CACNA1A: variants seen among roughly 807,000 people sequenced by gnomAD.
CACNA1A encodes the protein voltage-dependent P/Q-type calcium channel subunit alpha-1A.
In CACNA1A, 57 loss-of-function variants were observed where a neutral mutation model predicts 262.4. The observed-to-expected ratio is 0.22, with a 90% CI of 0.18 to 0.27. The LOEUF (loss-of-function observed/expected upper bound fraction) is 0.27. Ranked by LOEUF, CACNA1A falls within the 10% of genes least tolerant of loss-of-function variation. The pLI, the probability that CACNA1A is intolerant of heterozygous loss-of-function variation, is 1.00. For missense variants in CACNA1A, 2,526 were observed against 3,562.8 expected (o/e 0.71, Z 7.41); for synonymous variants, 1,431 against 1,419.3 (o/e 1.01, Z -0.18).
chr19:13,460,513 G>T lies in CACNA1A; in HGVS notation c.294-5301C>A, dbSNP rs1056110682. On this transcript the variant is annotated intron_variant, in intron 1 of 46. Coordinates refer to ENST00000360228, the MANE Select transcript of CACNA1A (RefSeq NM_001127222.2). ...GTTGGAATGCGACAAAAGCAGAAAA[G>T]AAAATTTCAGCCTAATGCATGTGGA... is the stretch of plus-strand genomic sequence containing the variant. Among the ~76,000 whole-genome samples, 13 of 152,270 alleles carry T rather than the reference G, an allele frequency of 8.5e-5. No individual in the cohort carries two copies. The South Asian group carries it at 1.0e-3, about 12-fold the overall frequency.
chr19:13,419,070 T>C (rs1957147476), intron 3 of CACNA1A, among the ~76,000 whole-genome samples: 1 of 152,112 alleles, frequency 6.6e-6, no homozygotes, highest in Non-Finnish European at 1.5e-5. Flanking sequence ...ATTTTTGCAT[T>C]TTTCAGTAAA....
intron 10 of CACNA1A, among the ~76,000 whole-genome samples, chr19:13,323,943 GTTCAC>G: frequency 6.6e-6 from 1 of 152,030 alleles, no homozygotes; most frequent in Admixed American, 6.6e-5. Context: ...GCACTCCCAC[GTTCAC>G]TTCAGCATTA....
intron 1 of CACNA1A, among the ~76,000 whole-genome samples, chr19:13,455,869 CAAAAAA>C (rs766436872): frequency 2.6e-5 from 2 of 76,128 alleles, no homozygotes; most frequent in Admixed American, 1.5e-4. Flanking sequence ...GGCCCTGTCT[CAAAAAA>C]AAAAAAAAAA....
rs1283169919 is a variant in CACNA1A at position 13,230,299 on chromosome 19, C to T, written c.5401-90G>A. 3 of 1,419,498 alleles carry T rather than the reference C, an allele frequency of 2.1e-6. No individual in the cohort carries two copies. In the East Asian group the frequency reaches 7.0e-5, roughly 33 times the overall value. 87.9% of individuals were successfully genotyped at this position (1,419,498 alleles called of 1,614,324 possible). ...AGAAGGATACAGACAGACAGACGGA[C>T]AGACAGACCCAAAGACATGTACACA... On this transcript the variant is annotated intron_variant, in intron 35 of 46. Coordinates refer to ENST00000360228, the MANE Select transcript of CACNA1A (RefSeq NM_001127222.2).
At chr19:13,298,263 T>C (rs2057709495) in intron 19 of CACNA1A, among the ~76,000 whole-genome samples, 3 of 151,630 alleles carry the variant, frequency 2.0e-5, no homozygotes, top group Admixed American at 6.6e-5. Context: ...CCTGAGTAGC[T>C]GGGGCTACAG....
chr19:13,235,470 A>G, intron 32 of CACNA1A, 144 bp downstream of exon 32: 1 of 768,504 alleles, frequency 1.3e-6, no homozygotes, highest in Non-Finnish European at 2.3e-6. Context: ...CAGGGACAGG[A>G]AGTTTGACAA....
At chr19:13,503,538 A>G (rs1005572409) in intron 1 of CACNA1A, among the ~76,000 whole-genome samples, 7 of 151,842 alleles carry the variant, frequency 4.6e-5, no homozygotes, top group Admixed American at 3.9e-4. Context: ...TGACTCTGAC[A>G]TTCCACGTGT....
At chr19:13,255,530 G>A (rs1446079979) in intron 28 of CACNA1A, among the ~76,000 whole-genome samples, 1 of 152,046 alleles carries the variant, frequency 6.6e-6, no homozygotes, top group African/African-American at 2.4e-5. Flanking sequence ...ATGGGAAGTG[G>A]GTACTATCAA....
chr19:13,355,571 AACGCCCG>A lies in CACNA1A; in HGVS notation c.978+4028_978+4034del, dbSNP rs1184583144. ...ACTGGAGAGATGCAGGGCAGAGCAAAACGCCCGACAGGGAGGGAGCTGGGGTATTTAT... is the reference window on the plus strand; with the variant it reads ...ACTGGAGAGATGCAGGGCAGAGCAAAACAGGGAGGGAGCTGGGGTATTTAT... On this transcript the variant is annotated intron_variant, in intron 6 of 46. Coordinates refer to ENST00000360228, the MANE Select transcript of CACNA1A (RefSeq NM_001127222.2). 7.2e-5 allele frequency among the ~76,000 whole-genome samples: 11 copies of A among 152,242 alleles called. No individual in the cohort carries two copies. In the East Asian group the frequency reaches 2.1e-3, roughly 29 times the overall value.
At chr19:13,391,332 A>C (rs1433622155) in intron 3 of CACNA1A, among the ~76,000 whole-genome samples, 1 of 151,616 alleles carries the variant, frequency 6.6e-6, no homozygotes, top group African/African-American at 2.4e-5. Flanking sequence ...TTTTTCCTTT[A>C]ATGTAAAGTT....
At chr19:13,464,777 T>A (rs1027155457) in intron 1 of CACNA1A, among the ~76,000 whole-genome samples, 3 of 152,006 alleles carry the variant, frequency 2.0e-5, no homozygotes, top group South Asian at 2.1e-4. Context: ...CTCGATCTCC[T>A]GACCTTGTGA....
At position 13,308,661 on chromosome 19, in the gene CACNA1A, T is replaced by C; in HGVS notation, c.1669-133A>G. ...CCAAATGGAAGCCGGGTGAGGATCC[T>C]TGACCCCCTCATTCATCCATTCATT... On this transcript the variant is annotated intron_variant, in intron 12 of 46. Coordinates refer to ENST00000360228, the MANE Select transcript of CACNA1A (RefSeq NM_001127222.2). The surrounding 1 kb of genome is among the most constrained non-coding windows in gnomAD (Gnocchi z 4.2). 2 of 595,376 alleles carry C rather than the reference T, an allele frequency of 3.4e-6. No homozygotes were observed. Among genetic ancestry groups the C allele is most frequent in the Non-Finnish European group, 3.0e-6 (1 of 335,406 alleles). The allele number at this position is 595,376 out of a possible 1,614,324, so 36.9% of individuals were successfully genotyped here. A position where few individuals can be genotyped will look rare whatever the true frequency, so the allele number is the denominator to read the frequency against.
At chr19:13,240,815 G>C (rs2144673923) in intron 31 of CACNA1A, among the ~76,000 whole-genome samples, 1 of 152,294 alleles carries the variant, frequency 6.6e-6, no homozygotes, top group Admixed American at 6.5e-5. Context: ...GACTGTGTGT[G>C]CAGTGTCTGT....
intron 1 of CACNA1A, among the ~76,000 whole-genome samples, chr19:13,500,571 C>T (rs775551107): frequency 1.3e-5 from 2 of 152,144 alleles, no homozygotes; most frequent in South Asian, 2.1e-4. Flanking sequence ...GGCTTTTAGA[C>T]GCATTGCAAA....
At chr19:13,406,682 G>T (rs2060017361) in intron 3 of CACNA1A, among the ~76,000 whole-genome samples, 1 of 150,312 alleles carries the variant, frequency 6.7e-6, no homozygotes, top group Admixed American at 6.7e-5. Flanking sequence ...TGGGCAGAGA[G>T]GGTGGGTGGG....
chr19:13,327,865 G>A lies in CACNA1A; in HGVS notation c.1345+2379C>T, dbSNP rs563654083. Among the ~76,000 whole-genome samples, 11 of 151,556 alleles carry A rather than the reference G, an allele frequency of 7.3e-5. No homozygotes were observed. In the South Asian group the frequency reaches 2.3e-3, roughly 32 times the overall value. On this transcript the variant is annotated intron_variant, in intron 10 of 46. Transcript: ENST00000360228. Reference sequence around the variant, plus strand: ...TGGGATTACAGGCGTGAGCCACCGCGCCCGGCCAGCAAAGTAGATTTTTAA... The same window carrying A: ...TGGGATTACAGGCGTGAGCCACCGCACCCGGCCAGCAAAGTAGATTTTTAA...
In CACNA1A at chr19:13,281,443, C is replaced by G. The variant is rs139355352; in HGVS notation, c.3822+1824G>C. ...AGAGAGAAGCCAAAAACGCTCATTC[C>G]AGAAGCTGGGGTCGTGGTTACCGGT... On this transcript the variant is annotated intron_variant, in intron 22 of 46. Transcript: ENST00000360228. Among the ~76,000 whole-genome samples, 373 of 151,252 alleles carry G rather than the reference C, an allele frequency of 2.5e-3. 4 individuals are homozygous for G. The highest frequency in any genetic ancestry group is 8.4e-3 in the African/African-American group (346 of 41,242).
intron 46 of CACNA1A, 60 bp from the exon 47 acceptor site, chr19:13,208,113 C>G: frequency 8.5e-7 from 1 of 1,171,430 alleles, no homozygotes; most frequent in Non-Finnish European, 1.1e-6. Context: ...TCAAAGGAGA[C>G]ACGGGATTGG....
At chr19:13,412,214 T>C (rs1221943187) in intron 3 of CACNA1A, among the ~76,000 whole-genome samples, 2 of 150,752 alleles carry the variant, frequency 1.3e-5, no homozygotes, top group Non-Finnish European at 3.0e-5. Context: ...GTGTATTCTT[T>C]TTTAGATGTT....
Sources: gnomAD v4.1 joint callset for allele counts (sites outside exome capture counted in the v4.1 genomes callset) on GRCh38, gnomAD v4.1.1 for gene constraint, Gnocchi (gnomAD v3.1) non-coding constraint, MANE v1.5 for transcripts, NCBI Gene and HGNC (gene_info 2026-07-23, HGNC 2026-07-21) for gene names.